The following MRPL9 variants were observed in gnomAD, a reference collection of about 807,000 sequenced individuals.
MRPL9 encodes the protein large ribosomal subunit protein bL9m.
In MRPL9, 25 loss-of-function variants were observed where a neutral mutation model predicts 27.6. That is an observed-to-expected ratio of 0.91 (90% CI 0.66 to 1.27). MRPL9 has a LOEUF of 1.27. Ranked by LOEUF, MRPL9 falls within the 50% of genes most tolerant of loss-of-function variation. The pLI, the probability that MRPL9 is intolerant of heterozygous loss-of-function variation, is 0.00. For missense variants in MRPL9, 362 were observed against 338.0 expected, an observed-to-expected ratio of 1.07 and a Z score of -0.56; for synonymous variants, 154 against 139.0, an observed-to-expected ratio of 1.11 and a Z score of -0.76.
At chr1:151,762,328 AAAG>A (rs1433152789) in intron 3 of MRPL9, 45 bp downstream of exon 3, 9 of 1,610,890 alleles carry the variant, frequency 5.6e-6, no homozygotes, top group Non-Finnish European at 6.8e-6. Context: ...CTGCAAGAGA[AAAG>A]AAGTTTTATC....
intron 5 of MRPL9, among the ~76,000 whole-genome samples, chr1:151,761,201 A>C (rs1648060129): frequency 6.6e-6 from 1 of 152,252 alleles, no homozygotes; most frequent in Non-Finnish European, 1.5e-5. Context: ...ACAAATCCCC[A>C]GCATTTCCCT....
Position 151,763,450 on chromosome 1 carries a change from G to C in MRPL9, c.30C>G (p.Gly10=). 6.4e-7 allele frequency: 1 copy of C among 1,573,244 alleles called. No individual in the cohort carries two copies. The highest frequency in any genetic ancestry group is 8.6e-7 in the Non-Finnish European group (1 of 1,159,660). MAAPVVTAP[G]RALLRAGAGR... ...CAGCGCCCGCCCGCAGCAGAGCTCT[G>C]CCCGGGGCCGTGACAACGGGCGCCG... The change falls in exon 1 of 7, where the codon GGC becomes GGG. Residue 10 remains glycine (G), a synonymous_variant. Transcript: ENST00000368830.
At position 151,763,474 on chromosome 1, in the gene MRPL9, C is replaced by G. The variant is rs1159921678; in HGVS notation, c.6G>C (p.Ala2=). M[A]APVVTAPGRA... ...TGCCCGGGGCCGTGACAACGGGCGC[C>G]GCCATGTTCACAGGCACAGAATGAG... Residue 2 remains alanine (A), a synonymous_variant, in exon 1 of 7, where the codon GCG becomes GCC. Transcript: ENST00000368830. The G allele has an allele frequency of 2.5e-6, 4 of 1,574,286 alleles. No homozygotes were observed. In the South Asian group the frequency reaches 4.6e-5, roughly 18 times the overall value.
Position 151,759,862 on chromosome 1 carries a change from G to T in MRPL9, c.*188C>A. On this transcript the variant is annotated 3_prime_UTR_variant, in exon 7 of 7. Coordinates refer to ENST00000368830, the MANE Select transcript of MRPL9 (RefSeq NM_031420.4). ...GGTACTTCTGGAACAGGACTTCCCT[G>T]CCCCAGTGATGACAGTTAAAGATGG... The T allele has an allele frequency of 1.4e-6, 1 of 694,476 alleles. No individual in the cohort carries two copies. The highest frequency in any genetic ancestry group is 2.2e-6 in the Non-Finnish European group (1 of 454,074). 43.0% of individuals were successfully genotyped at this position (694,476 alleles called of 1,614,324 possible).
Position 151,762,394 on chromosome 1 carries a change from C to G in MRPL9, c.417G>C (p.Leu139=), listed in dbSNP as rs770712510. The part of the protein sequence containing the change: ...AVYASPENKK[L]FEEEKLLRQE... Reference sequence around the variant, plus strand: ...AGCTCACCAATTTCTCCTCTTCAAACAGCTTCTTGTTTTCAGGGGATGCAT... The same window carrying G: ...AGCTCACCAATTTCTCCTCTTCAAAGAGCTTCTTGTTTTCAGGGGATGCAT... Residue 139 remains leucine (L), a synonymous_variant, in exon 3 of 7, where the codon CTG becomes CTC. Transcript: ENST00000368830. The G allele has an allele frequency of 1.9e-6, 3 of 1,614,094 alleles. No individual in the cohort carries two copies. The highest frequency in any genetic ancestry group is 1.7e-5 in the Admixed American group (1 of 60,010).
In MRPL9 at chr1:151,763,351, G is replaced by A. The variant is rs755229441; in HGVS notation, c.129C>T (p.Cys43=). ...CCCGATTTTGAGAAAGGCTGAAGTT[G>A]CAGGCCAGGTCAGGGGCGTTCCCTT... ...RHEGNAPDLA[C]NFSLSQNRGT... Residue 43 remains cysteine (C), a synonymous_variant, in exon 1 of 7, where the codon TGC becomes TGT. Transcript: ENST00000368830. 1.9e-5 allele frequency: 30 copies of A among 1,586,472 alleles called. No homozygotes were observed. In the East Asian group the frequency reaches 5.3e-4, roughly 28 times the overall value.
Position 151,762,999 on chromosome 1 carries a change from A to C in MRPL9, c.301T>G (p.Ser101Ala). 6.2e-7 allele frequency: 1 copy of C among 1,614,124 alleles called. No individual in the cohort carries two copies. The highest frequency in any genetic ancestry group is 8.5e-7 in the Non-Finnish European group (1 of 1,179,998). The change falls in exon 2 of 7, where the codon TCG becomes GCG. Residue 101 changes from serine to alanine, a missense_variant. Physicochemically the swap from Ser to Ala is moderately conservative, Grantham distance 99 (BLOSUM62 1). Coordinates refer to ENST00000368830, the MANE Select transcript of MRPL9 (RefSeq NM_031420.4). The part of the protein sequence containing the change: ...KENLELILTQ[S>A]VENVGVRGDL... ...TCGGCCCGGGCCTTACTCTCCACCG[A>C]CTGCGTCAGGATGAGCTCCAGGTTT... is the stretch of plus-strand genomic sequence containing the variant.
chr1:151,759,972 G>C lies in MRPL9; in HGVS notation c.*78C>G. ...AAAATTCTGTATTTGGTCAGAGCTGGGAGTGAGATCAGGGTGCTTGCACAT... is the reference window on the plus strand; with the variant it reads ...AAAATTCTGTATTTGGTCAGAGCTGCGAGTGAGATCAGGGTGCTTGCACAT... On this transcript the variant is annotated 3_prime_UTR_variant, in exon 7 of 7. Transcript: ENST00000368830. 2 of 1,559,482 alleles carry C rather than the reference G, an allele frequency of 1.3e-6. No individual in the cohort carries two copies. The highest frequency in any genetic ancestry group is 1.2e-5 in the South Asian group (1 of 84,678).
chr1:151,763,114 T>G lies in MRPL9; in HGVS notation c.186A>C (p.Val62=). ...GTVIVERWWK[V]PLAGEGRKPR... is the part of the protein sequence containing the mutation. ...GCTTCCGGCCCTCCCCGGCCAGCGG[T>G]ACCTTCCACCAGCGCTCCACGATGA... Residue 62 remains valine, a synonymous_variant, in exon 2 of 7, where the codon GTA becomes GTC. Coordinates refer to ENST00000368830, the MANE Select transcript of MRPL9 (RefSeq NM_031420.4). The G allele has an allele frequency of 6.2e-7, 1 of 1,613,876 alleles. No homozygotes were observed. The highest frequency in any genetic ancestry group is 8.5e-7 in the Non-Finnish European group (1 of 1,179,938).
chr1:151,763,319 G>A lies in MRPL9; in HGVS notation c.153+8C>T. The A allele has an allele frequency of 1.3e-6, 2 of 1,594,878 alleles. No homozygotes were observed. Among genetic ancestry groups the A allele is most frequent in the Non-Finnish European group, 1.7e-6 (2 of 1,169,836 alleles). On this transcript the variant is annotated splice_region_variant and intron_variant, in intron 1 of 6. Coordinates refer to ENST00000368830, the MANE Select transcript of MRPL9 (RefSeq NM_031420.4). ...GTATCTACCCCCTACCCCAGACTCAGCCCTCACCCGATTTTGAGAAAGGCT... is the reference window on the plus strand; with the variant it reads ...GTATCTACCCCCTACCCCAGACTCAACCCTCACCCGATTTTGAGAAAGGCT...
intron 1 of MRPL9, 69 bp downstream of exon 1, chr1:151,763,258 C>A: frequency 6.5e-7 from 1 of 1,541,520 alleles, no homozygotes; most frequent in East Asian, 2.4e-5. Flanking sequence ...CGGCCCCCTC[C>A]AGGTCCCAGT....
In MRPL9 at chr1:151,760,852, A is replaced by G. The variant is rs1400518986; in HGVS notation, c.636T>C (p.Pro212=). The G allele has an allele frequency of 3.2e-6, 5 of 1,582,252 alleles. No individual in the cohort carries two copies. The highest frequency in any genetic ancestry group is 4.3e-6 in the Non-Finnish European group (5 of 1,168,064). ...ACCAATACTCGCCCCACCGTGTGAT[A>G]GGCTCTTCTGGTAACTTTAATGTAT... is the stretch of plus-strand genomic sequence containing the variant. The part of the protein sequence containing the change: ...APHTLKLPEE[P]ITRWGEYWCE... The change falls in exon 6 of 7, where the codon CCT becomes CCC. Residue 212 remains proline (P), a synonymous_variant. Coordinates refer to ENST00000368830, the MANE Select transcript of MRPL9 (RefSeq NM_031420.4).
chr1:151,762,005 T>C (rs1648106130), intron 4 of MRPL9, 100 bp downstream of exon 4: 2 of 1,194,046 alleles, frequency 1.7e-6, no homozygotes, highest in Non-Finnish European at 2.5e-6. Context: ...TCTCCCACTC[T>C]TGGGTCTGCA....
Position 151,763,054 on chromosome 1 carries a change from C to T in MRPL9, c.246G>A (p.Leu82=), listed in dbSNP as rs1216426368. The part of the protein sequence containing the change: ...RLHRRHRVYK[L]VEDTKHRPKE... Reference sequence around the variant, plus strand: ...TGGGCCGATGCTTCGTGTCCTCCACCAGCTTATAGACGCGATGTCGCCGGT... The same window carrying T: ...TGGGCCGATGCTTCGTGTCCTCCACTAGCTTATAGACGCGATGTCGCCGGT... The change falls in exon 2 of 7, where the codon CTG becomes CTA. Residue 82 remains leucine (L), a synonymous_variant. Transcript: ENST00000368830. 1 of 1,614,222 alleles carries T rather than the reference C, an allele frequency of 6.2e-7. No homozygotes were observed. The highest frequency in any genetic ancestry group is 1.7e-5 in the Admixed American group (1 of 60,018).
chr1:151,761,861 A>G (rs946060744), intron 4 of MRPL9: 1 of 598,656 alleles, frequency 1.7e-6, no homozygotes. Flanking sequence ...CCCTCATCTC[A>G]GACTATTCCA....
intron 2 of MRPL9, 149 bp from the exon 3 acceptor site, chr1:151,762,649 A>C: frequency 1.3e-6 from 1 of 791,654 alleles, no homozygotes; most frequent in Non-Finnish European, 2.0e-6. Flanking sequence ...ACAAGATTTA[A>C]GAGACTGCTA....
In MRPL9 at chr1:151,763,020, G is replaced by A. The variant is rs1648178289; in HGVS notation, c.280C>T (p.Leu94=). 1 of 1,614,214 alleles carries A rather than the reference G, an allele frequency of 6.2e-7. No homozygotes were observed. Among genetic ancestry groups the A allele is most frequent in the Non-Finnish European group, 8.5e-7 (1 of 1,180,038 alleles). Residue 94 remains leucine (L), a synonymous_variant, in exon 2 of 7, where the codon CTG becomes TTG. Transcript: ENST00000368830. The part of the protein sequence containing the change: ...EDTKHRPKEN[L]ELILTQSVEN... The stretch of plus-strand genomic sequence containing the variant: ...ACCGACTGCGTCAGGATGAGCTCCA[G>A]GTTTTCTTTGGGCCGATGCTTCGTG...
chr1:151,763,144 G>C lies in MRPL9; in HGVS notation c.156C>G (p.Gly52=). 7 of 1,612,732 alleles carry C rather than the reference G, an allele frequency of 4.3e-6. No individual in the cohort carries two copies. The highest frequency in any genetic ancestry group is 5.9e-6 in the Non-Finnish European group (7 of 1,179,078). Residue 52 remains glycine, a splice_region_variant and synonymous_variant, in exon 2 of 7, where the codon GGC becomes GGG. Transcript: ENST00000368830. ...TCCACCAGCGCTCCACGATGACCGTGCCCTGGCGGCCAGGAAAGCGACGGT... is the reference window on the plus strand; with the variant it reads ...TCCACCAGCGCTCCACGATGACCGTCCCCTGGCGGCCAGGAAAGCGACGGT... ...ACNFSLSQNR[G]TVIVERWWKV...
At position 151,763,421 on chromosome 1, in the gene MRPL9, C is replaced by A; in HGVS notation, c.59G>T (p.Arg20Leu). 1 of 1,565,404 alleles carries A rather than the reference C, an allele frequency of 6.4e-7. No individual in the cohort carries two copies. The highest frequency in any genetic ancestry group is 1.2e-5 in the South Asian group (1 of 85,522). ...GRALLRAGAG[R>L]LLRGGVQELL... ...CTCCTGGACGCCTCCCCGAAGCAGC[C>A]GTCCAGCGCCCGCCCGCAGCAGAGC... Residue 20 changes from arginine to leucine, a missense_variant, in exon 1 of 7, where the codon CGG becomes CTG. Transcript: ENST00000368830.
Sources: gnomAD v4.1 joint callset for allele counts (sites outside exome capture counted in the v4.1 genomes callset) on GRCh38, gnomAD v4.1.1 for gene constraint, MANE v1.5 for transcripts, NCBI Gene and HGNC (gene_info 2026-07-23, HGNC 2026-07-21) for gene names.